LIMCH1: variants seen among roughly 807,000 people sequenced by gnomAD.
LIMCH1 encodes LIM and calponin homology domains-containing protein 1.
A neutral mutation model predicts 176.5 loss-of-function variants in LIMCH1; 113 were observed. That is an observed-to-expected ratio of 0.64 (90% CI 0.55 to 0.75). The LOEUF (loss-of-function observed/expected upper bound fraction) is 0.75, where lower values mean the gene tolerates loss of function less well. Among genes scored for constraint, LIMCH1 ranks in the 30% least tolerant of loss-of-function variants. LIMCH1 has a pLI of 0.00. For missense variants in LIMCH1, 1,674 were observed against 1,814.9 expected (o/e 0.92, Z 1.41); for synonymous variants, 619 against 645.9 (o/e 0.96, Z 0.63).
intron 3 of LIMCH1, among the ~76,000 whole-genome samples, chr4:41,531,618 AC>A (rs2077325524): frequency 1.3e-5 from 2 of 151,706 alleles, no homozygotes; most frequent in African/African-American, 4.8e-5. Context: ...CTTGCTTCTT[AC>A]CCTTTTGTCT....
chr4:41,599,092 ATGT>A, intron 2 of LIMCH1, 66 bp downstream of exon 2: 1 of 938,720 alleles, frequency 1.1e-6, no homozygotes, highest in South Asian at 1.4e-5. Context: ...TTTTGTGATG[ATGT>A]TGTAAGTTCT....
chr4:41,513,875 G>T (rs1393350807), intron 2 of LIMCH1, among the ~76,000 whole-genome samples: 1 of 151,652 alleles, frequency 6.6e-6, no homozygotes, highest in Non-Finnish European at 1.5e-5. Flanking sequence ...GTGTGGTGGT[G>T]CATGCCTGTA....
At chr4:41,630,796 G>C (rs565533911) in intron 9 of LIMCH1, among the ~76,000 whole-genome samples, 118 of 152,228 alleles carry the variant, frequency 7.8e-4, no homozygotes, top group African/African-American at 2.1e-3. Flanking sequence ...TATAACCTAT[G>C]CACATCCTCC....
chr4:41,517,563 G>A (rs1357181526), intron 2 of LIMCH1, among the ~76,000 whole-genome samples: 2 of 152,120 alleles, frequency 1.3e-5, no homozygotes, highest in East Asian at 1.9e-4. Flanking sequence ...ACCGTGCATA[G>A]CATCCCACAA....
chr4:41,482,395 G>A (rs1311432773), intron 1 of LIMCH1, among the ~76,000 whole-genome samples: 1 of 152,192 alleles, frequency 6.6e-6, no homozygotes, highest in Non-Finnish European at 1.5e-5. Flanking sequence ...CAGCTAGGAA[G>A]AGAATGACAT....
At chr4:41,405,914 G>A (rs143809156) in intron 1 of LIMCH1, among the ~76,000 whole-genome samples, 2 of 152,254 alleles carry the variant, frequency 1.3e-5, no homozygotes, top group Non-Finnish European at 2.9e-5. Context: ...AGTCTGAAGG[G>A]AGACACGACA....
rs186568986 is a variant in LIMCH1 at position 41,662,145 on chromosome 4, T to C, written c.3127+635T>C. On this transcript the variant is annotated intron_variant, in intron 19 of 31. Transcript: ENST00000503057. ...TCCAGTGTTTACCACTTGAGAAACA[T>C]AATTTGTCAATTACCAAATTATTTT... Among the ~76,000 whole-genome samples the C allele has an allele frequency of 2.0e-3, 309 of 152,342 alleles. 1 individual carries two copies. Among genetic ancestry groups the C allele is most frequent in the Admixed American group, 4.2e-3 (64 of 15,306 alleles).
intron 25 of LIMCH1, 118 bp from the exon 26 acceptor site, chr4:41,682,215 G>A: frequency 1.5e-6 from 1 of 681,098 alleles, no homozygotes; most frequent in African/African-American, 1.8e-5. Flanking sequence ...TTGGACAACT[G>A]TTCTTTAAAT....
intron 1 of LIMCH1, among the ~76,000 whole-genome samples, chr4:41,426,209 G>A (rs2061083933): frequency 6.6e-6 from 1 of 151,470 alleles, no homozygotes; most frequent in African/African-American, 2.4e-5. Context: ...TTTTAGTAGA[G>A]ACGGGGTTTC....
At chr4:41,376,195 A>T (rs1346720806) in intron 1 of LIMCH1, among the ~76,000 whole-genome samples, 1 of 152,172 alleles carries the variant, frequency 6.6e-6, no homozygotes, top group African/African-American at 2.4e-5. Context: ...GTTTCTATAT[A>T]GTTTTCTATG....
intron 1 of LIMCH1, among the ~76,000 whole-genome samples, chr4:41,575,554 A>G (rs1001862659): frequency 6.6e-6 from 1 of 152,268 alleles, no homozygotes; most frequent in African/African-American, 2.4e-5. Flanking sequence ...ACTACTTGGC[A>G]TACAAATTTA....
intron 2 of LIMCH1, among the ~76,000 whole-genome samples, chr4:41,495,223 T>G (rs1424998376): frequency 6.6e-6 from 1 of 152,240 alleles, no homozygotes; most frequent in East Asian, 1.9e-4. Flanking sequence ...GATTTATGGA[T>G]AGACGTAAAT....
intron 1 of LIMCH1, among the ~76,000 whole-genome samples, chr4:41,453,138 C>T (rs1438948745): frequency 6.6e-6 from 1 of 152,210 alleles, no homozygotes; most frequent in Non-Finnish European, 1.5e-5. Flanking sequence ...GAGGACTTTT[C>T]ACCCCACACC....
intron 1 of LIMCH1, among the ~76,000 whole-genome samples, chr4:41,568,220 G>A (rs995579053): frequency 2.6e-5 from 4 of 152,142 alleles, no homozygotes; most frequent in African/African-American, 7.2e-5. Flanking sequence ...GGAATAAATG[G>A]TCAATAGGAT....
chr4:41,605,450 C>T (rs371407510), intron 3 of LIMCH1, among the ~76,000 whole-genome samples: 2 of 152,114 alleles, frequency 1.3e-5, no homozygotes, highest in South Asian at 2.1e-4. Flanking sequence ...TTGGCCTTAG[C>T]GGAACCTCTG....
At chr4:41,404,093 A>G (rs1292162624) in intron 1 of LIMCH1, among the ~76,000 whole-genome samples, 2 of 152,196 alleles carry the variant, frequency 1.3e-5, no homozygotes, top group Non-Finnish European at 2.9e-5. Flanking sequence ...TGTGTCAGTT[A>G]CAAATGACCC....
At chr4:41,368,185 T>C (rs1399985346) in intron 1 of LIMCH1, among the ~76,000 whole-genome samples, 1 of 152,102 alleles carries the variant, frequency 6.6e-6, no homozygotes, top group Non-Finnish European at 1.5e-5. Context: ...TGAAAATAAT[T>C]ATTTGGGAGA....
intron 1 of LIMCH1, among the ~76,000 whole-genome samples, chr4:41,421,130 C>T (rs1179086388): frequency 6.6e-6 from 1 of 152,144 alleles, no homozygotes; most frequent in Admixed American, 6.5e-5. Flanking sequence ...TAGACTTCCA[C>T]GGGGTTGGAT....
chr4:41,472,406 T>C (rs1017054539), intron 1 of LIMCH1, among the ~76,000 whole-genome samples: 4 of 146,330 alleles, frequency 2.7e-5, no homozygotes, highest in Non-Finnish European at 4.5e-5. Context: ...TCTCTCTCTC[T>C]TTCCTTCCTA....
Sources: allele counts gnomAD v4.1 joint callset (sites outside exome capture counted in the v4.1 genomes callset), GRCh38; gene constraint gnomAD v4.1.1; transcripts MANE v1.5; gene names NCBI Gene and HGNC (gene_info 2026-07-23, HGNC 2026-07-21).